Variants in ASAP1 observed in about 807,000 individuals in gnomAD.
ASAP1 encodes the protein ArfGAP with SH3 domain, ankyrin repeat and PH domain 1, also known as arf-GAP with SH3 domain, ANK repeat and PH domain-containing protein 1.
Under a neutral mutation model 145.2 loss-of-function variants are expected in ASAP1, and 43 were observed. The observed-to-expected ratio is 0.30, with a 90% CI of 0.23 to 0.38. The LOEUF (loss-of-function observed/expected upper bound fraction) is 0.38, where lower values mean the gene tolerates loss of function less well. ASAP1 is among the 10% of genes least tolerant of loss of function. The probability of loss-of-function intolerance (pLI) is 1.00; values close to 1 mark genes in which losing one functional copy is unlikely to be tolerated. For missense variants in ASAP1, 1,018 were observed against 1,355.3 expected, an observed-to-expected ratio of 0.75 and a Z score of 3.91; for synonymous variants, 546 against 515.5, an observed-to-expected ratio of 1.06 and a Z score of -0.80.
intron 3 of ASAP1, among the ~76,000 whole-genome samples, chr8:130,351,936 T>G (rs1011937904): frequency 6.6e-6 from 1 of 152,210 alleles, no homozygotes; most frequent in Admixed American, 6.5e-5. Context: ...AGTTCCAACA[T>G]ATACAATTTC....
chr8:130,114,821 C>A, intron 23 of ASAP1, among the ~76,000 whole-genome samples: 1 of 141,654 alleles, frequency 7.1e-6, no homozygotes, highest in Non-Finnish European at 1.5e-5. Context: ...TCATTCAGGT[C>A]AAGAGTGCAG....
chr8:130,271,615 A>G (rs1018712026), intron 3 of ASAP1, among the ~76,000 whole-genome samples: 1 of 152,152 alleles, frequency 6.6e-6, no homozygotes, highest in African/African-American at 2.4e-5. Flanking sequence ...TTGTTTTTGC[A>G]TCTTTTAGGA....
At chr8:130,233,630 C>G (rs1818040815) in intron 4 of ASAP1, among the ~76,000 whole-genome samples, 1 of 152,168 alleles carries the variant, frequency 6.6e-6, no homozygotes, top group African/African-American at 2.4e-5. Context: ...TACCTCAGAT[C>G]CTTCTTCCTA....
At chr8:130,337,310 T>TCAC (rs1372967291) in intron 3 of ASAP1, among the ~76,000 whole-genome samples, 1 of 152,228 alleles carries the variant, frequency 6.6e-6, no homozygotes, top group Non-Finnish European at 1.5e-5. Flanking sequence ...CATAGGAAAA[T>TCAC]CACTCTATCA....
chr8:130,223,323 T>TATATAA (rs1165399888), intron 4 of ASAP1, among the ~76,000 whole-genome samples: 1 of 152,180 alleles, frequency 6.6e-6, no homozygotes, highest in East Asian at 1.9e-4. Context: ...TAACTGGGCA[T>TATATAA]ATATAACCTT....
intron 27 of ASAP1, among the ~76,000 whole-genome samples, chr8:130,072,558 G>A (rs1385354454): frequency 1.8e-5 from 1 of 56,072 alleles, no homozygotes; most frequent in Non-Finnish European, 4.6e-5. Flanking sequence ...TCTCAGGTAT[G>A]TCTTTATCAG....
chr8:130,408,579 G>A (rs1194149250), intron 1 of ASAP1, among the ~76,000 whole-genome samples: 1 of 152,116 alleles, frequency 6.6e-6, no homozygotes, highest in East Asian at 1.9e-4. Context: ...TGGCAGATCA[G>A]CCTCCATAAT....
At chr8:130,121,599 T>A (rs1224999557) in intron 18 of ASAP1, among the ~76,000 whole-genome samples, 2 of 151,814 alleles carry the variant, frequency 1.3e-5, no homozygotes, top group Non-Finnish European at 1.5e-5. Flanking sequence ...CTGATCAACA[T>A]GGAGAAAACT....
intron 9 of ASAP1, among the ~76,000 whole-genome samples, chr8:130,173,675 G>A (rs1466914688): frequency 6.6e-6 from 1 of 151,932 alleles, no homozygotes; most frequent in Non-Finnish European, 1.5e-5. Flanking sequence ...GACTGAGGTG[G>A]GTGGATCGCT....
Position 130,331,674 on chromosome 8 carries a change from T to G in ASAP1, c.186+26343A>C, listed in dbSNP as rs1034916092. 3.3e-5 allele frequency among the ~76,000 whole-genome samples: 5 copies of G among 152,222 alleles called. No individual in the cohort carries two copies. In the South Asian group the frequency reaches 1.0e-3, roughly 32 times the overall value. On this transcript the variant is annotated intron_variant, in intron 3 of 29. Coordinates refer to ENST00000518721, the MANE Select transcript of ASAP1 (RefSeq NM_018482.4). ...ACATGTAAAGAGTTTAGCACAGTAC[T>G]GTTACCTAGTCAAGAGGTGCCAAGC... is the stretch of plus-strand genomic sequence containing the variant.
At chr8:130,150,650 G>T (rs1361760074) in intron 13 of ASAP1, among the ~76,000 whole-genome samples, 1 of 152,064 alleles carries the variant, frequency 6.6e-6, no homozygotes, top group South Asian at 2.1e-4. Context: ...AGGCCGAGGC[G>T]GGTGGATCAC....
At chr8:130,401,289 A>G (rs1215045726) in intron 2 of ASAP1, among the ~76,000 whole-genome samples, 3 of 152,062 alleles carry the variant, frequency 2.0e-5, no homozygotes, top group African/African-American at 7.2e-5. Context: ...TCTGTTGCCC[A>G]GGCTGGAGTG....
intron 3 of ASAP1, among the ~76,000 whole-genome samples, chr8:130,352,612 C>T (rs935741112): frequency 1.3e-5 from 2 of 152,230 alleles, no homozygotes; most frequent in Non-Finnish European, 2.9e-5. Flanking sequence ...AAATCTGATA[C>T]TGGTTGTATG....
chr8:130,258,829 G>C (rs868279157), intron 3 of ASAP1, among the ~76,000 whole-genome samples: 31 of 152,122 alleles, frequency 2.0e-4, no homozygotes, highest in African/African-American at 7.0e-4. Flanking sequence ...CATACGTGGT[G>C]GTTGACTGAT....
intron 5 of ASAP1, among the ~76,000 whole-genome samples, chr8:130,193,616 CT>C (rs1353274650): frequency 6.6e-6 from 1 of 152,070 alleles, no homozygotes; most frequent in Non-Finnish European, 1.5e-5. Context: ...TAAATAACCC[CT>C]TTTCAACTCT....
At chr8:130,372,277 A>T (rs1827247705) in intron 2 of ASAP1, among the ~76,000 whole-genome samples, 1 of 152,220 alleles carries the variant, frequency 6.6e-6, no homozygotes, top group Non-Finnish European at 1.5e-5. Context: ...GCTAAGGGAG[A>T]GGAGACAAGG....
chr8:130,175,247 TAC>T (rs1003859921), intron 9 of ASAP1, among the ~76,000 whole-genome samples: 1 of 152,158 alleles, frequency 6.6e-6, no homozygotes, highest in African/African-American at 2.4e-5. Flanking sequence ...TTTTTTAATA[TAC>T]AGAGTCTTGC....
intron 5 of ASAP1, among the ~76,000 whole-genome samples, chr8:130,197,799 C>T (rs1586574662): frequency 6.6e-6 from 1 of 152,148 alleles, no homozygotes; most frequent in African/African-American, 2.4e-5. Flanking sequence ...GTCCCCGGCC[C>T]GAACTGTGGA....
At chr8:130,177,962 G>A (rs1407574854) in intron 9 of ASAP1, among the ~76,000 whole-genome samples, 4 of 152,126 alleles carry the variant, frequency 2.6e-5, no homozygotes, top group Non-Finnish European at 4.4e-5. Context: ...GTATACTGAG[G>A]TTTAGTGAAG....
Sources: allele counts gnomAD v4.1 joint callset (sites outside exome capture counted in the v4.1 genomes callset), GRCh38; gene constraint gnomAD v4.1.1; transcripts MANE v1.5; gene names NCBI Gene and HGNC (gene_info 2026-07-23, HGNC 2026-07-21).